PATJ: variants seen among roughly 807,000 people sequenced by gnomAD.
PATJ encodes inaD-like protein.
A neutral mutation model predicts 224.9 loss-of-function variants in PATJ; 190 were observed. The observed-to-expected ratio is 0.84, with a 90% CI of 0.75 to 0.95. PATJ has a LOEUF of 0.95. Among genes scored for constraint, PATJ ranks in the 40% least tolerant of loss-of-function variants. The probability of loss-of-function intolerance (pLI) is 0.00; values close to 1 mark genes in which losing one functional copy is unlikely to be tolerated. For missense variants in PATJ, 2,121 were observed against 2,270.3 expected (o/e 0.93, Z 1.34); for synonymous variants, 769 against 820.3 (o/e 0.94, Z 1.07).
intron 17 of PATJ, among the ~76,000 whole-genome samples, chr1:61,837,471 C>T (rs1461725060): frequency 2.0e-5 from 3 of 152,006 alleles, no homozygotes; most frequent in Non-Finnish European, 2.9e-5. Flanking sequence ...CAGAAGTTTG[C>T]GTTTTATATA....
At chr1:61,939,633 T>C (rs1677467839) in intron 27 of PATJ, among the ~76,000 whole-genome samples, 1 of 151,248 alleles carries the variant, frequency 6.6e-6, no homozygotes, top group African/African-American at 2.4e-5. Flanking sequence ...TTTACCTCTT[T>C]TTGAGCACCC....
chr1:62,095,113 CTG>C (rs1236849157), intron 33 of PATJ, among the ~76,000 whole-genome samples: 2 of 152,140 alleles, frequency 1.3e-5, no homozygotes, highest in Non-Finnish European at 2.9e-5. Context: ...TCGGCAAACA[CTG>C]TGTATCTTCA....
intron 43 of PATJ, among the ~76,000 whole-genome samples, chr1:62,158,651 G>A (rs1373270891): frequency 6.9e-5 from 10 of 145,378 alleles, no homozygotes; most frequent in African/African-American, 2.5e-4. Context: ...AACCGGCGAG[G>A]CAGAGCTTGC....
At chr1:62,102,376 G>A (rs770445366) in intron 33 of PATJ, among the ~76,000 whole-genome samples, 11 of 152,054 alleles carry the variant, frequency 7.2e-5, no homozygotes, top group Non-Finnish European at 1.3e-4. Flanking sequence ...GTTCTGTGCC[G>A]TTAATTGATA....
chr1:61,947,637 A>G (rs924373241), intron 27 of PATJ, among the ~76,000 whole-genome samples: 1 of 152,152 alleles, frequency 6.6e-6, no homozygotes, highest in African/African-American at 2.4e-5. Flanking sequence ...TGGCCATACT[A>G]CCCAAGGTAA....
intron 14 of PATJ, among the ~76,000 whole-genome samples, chr1:61,818,414 A>G (rs1316018002): frequency 2.0e-5 from 3 of 152,358 alleles, no homozygotes; most frequent in East Asian, 3.9e-4. Flanking sequence ...TCACTCTGTC[A>G]TTTCAGCACT....
intron 24 of PATJ, among the ~76,000 whole-genome samples, chr1:61,906,365 A>G (rs755077630): frequency 5.3e-5 from 8 of 152,026 alleles, no homozygotes; most frequent in Non-Finnish European, 1.0e-4. Context: ...GAATGCAGGG[A>G]TTCTCTAATC....
rs754856449 is a variant in PATJ at position 61,850,009 on chromosome 1, ACTTTT to A, written c.2113-6017_2113-6013del. On this transcript the variant is annotated intron_variant, in intron 17 of 43. Transcript: ENST00000642238. ...CATTTGCCAGTTTATTACCTATGAC[ACTTTT>A]CTTGTTGATTCCTTCTGTCTCCTCT... Among the ~76,000 whole-genome samples, 3 of 152,206 alleles carry A rather than the reference ACTTTT, an allele frequency of 2.0e-5. No individual in the cohort carries two copies. The South Asian group carries it at 6.2e-4, about 32-fold the overall frequency.
At chr1:61,883,913 C>T (rs1668445596) in intron 21 of PATJ, among the ~76,000 whole-genome samples, 1 of 148,762 alleles carries the variant, frequency 6.7e-6, no homozygotes, top group East Asian at 2.0e-4. Flanking sequence ...ATTAGGAAAG[C>T]TTAAGTTGAT....
At chr1:61,808,322 A>T in intron 13 of PATJ, 152 bp from the exon 14 acceptor site, 1 of 613,038 alleles carries the variant, frequency 1.6e-6, no homozygotes, top group Middle Eastern at 4.1e-4. Flanking sequence ...ATTTCACATT[A>T]TGTGTTATAG....
At chr1:61,833,915 A>G in intron 17 of PATJ, 130 bp downstream of exon 17, 1 of 706,372 alleles carries the variant, frequency 1.4e-6, no homozygotes, top group Non-Finnish European at 2.3e-6. Flanking sequence ...ATATTATACT[A>G]CTTTCAATTG....
At chr1:61,770,866 T>TG (rs67522251) in intron 5 of PATJ, among the ~76,000 whole-genome samples, 28,670 of 149,756 alleles carry the variant, frequency 0.19, 3,117 homozygotes, top group Non-Finnish European at 0.25. Flanking sequence ...GGTGTGATTG[T>TG]GCCATTGTAC....
rs148389720 is a variant in PATJ, at chr1:61,980,437, TTGTGTGTGTG to T, written c.3671-9698_3671-9689del. ...TGCCAAAAGCTAGTACTTATATAAT[TTGTGTGTGTG>T]TGTGTGTGTGTGTGTGTGTGTGTGT... On this transcript the variant is annotated intron_variant, in intron 27 of 43. Coordinates refer to ENST00000642238, the MANE Select transcript of PATJ (RefSeq NM_001350145.3). Among the ~76,000 whole-genome samples the T allele has an allele frequency of 9.0e-3, 1,163 of 129,732 alleles. 16 individuals are homozygous for T. The highest frequency in any genetic ancestry group is 0.031 in the Middle Eastern group (8 of 258). The allele number at this position is 129,732 out of a possible 152,430, so 85.1% of individuals were successfully genotyped here.
At position 61,775,188 on chromosome 1, in the gene PATJ, T is replaced by C. The variant is rs370279498; in HGVS notation, c.721-18T>C. On this transcript the variant is annotated intron_variant, in intron 6 of 43. Coordinates refer to ENST00000642238, the MANE Select transcript of PATJ (RefSeq NM_001350145.3). ...TGTATTACTGATACTGCGACTCTTA[T>C]TTGCCATTAATTTGTAGGTTTGTTG... 5.6e-6 allele frequency: 9 copies of C among 1,602,938 alleles called. No individual in the cohort carries two copies. In the African/African-American group the frequency reaches 9.4e-5, roughly 17 times the overall value.
intron 34 of PATJ, among the ~76,000 whole-genome samples, chr1:62,110,182 A>C (rs919903175): frequency 6.6e-6 from 1 of 152,200 alleles, no homozygotes; most frequent in African/African-American, 2.4e-5. Context: ...GGTCTAGTTC[A>C]TGAGAGTCTA....
chr1:62,064,241 G>A (rs1656023041), intron 31 of PATJ, among the ~76,000 whole-genome samples: 1 of 151,810 alleles, frequency 6.6e-6, no homozygotes, highest in South Asian at 2.1e-4. Flanking sequence ...CTTTTTCTGA[G>A]TCTACTAAGA....
At chr1:61,763,741 C>G (rs1244531314) in intron 3 of PATJ, among the ~76,000 whole-genome samples, 2 of 152,044 alleles carry the variant, frequency 1.3e-5, no homozygotes, top group Non-Finnish European at 2.9e-5. Flanking sequence ...CTCACTGCAG[C>G]CTTGACCTCC....
At chr1:61,756,609 G>C (rs1490681416) in intron 1 of PATJ, among the ~76,000 whole-genome samples, 1 of 102,858 alleles carries the variant, frequency 9.7e-6, no homozygotes, top group Non-Finnish European at 1.8e-5. Context: ...GACAGAATCT[G>C]TTTCTGTTGC....
intron 29 of PATJ, among the ~76,000 whole-genome samples, chr1:62,020,167 C>CAA (rs959541685): frequency 7.0e-6 from 1 of 143,300 alleles, no homozygotes. Flanking sequence ...GACCTTGTCT[C>CAA]AAAAAAAAAA....
Sources: gnomAD v4.1 joint callset for allele counts (sites outside exome capture counted in the v4.1 genomes callset) on GRCh38, gnomAD v4.1.1 for gene constraint, MANE v1.5 for transcripts, NCBI Gene and HGNC (gene_info 2026-07-23, HGNC 2026-07-21) for gene names.